Variants in ATP2B2 observed in about 807,000 individuals in gnomAD.
The protein encoded by ATP2B2 is plasma membrane calcium-transporting ATPase 2.
Under a neutral mutation model 120.0 loss-of-function variants are expected in ATP2B2, and 15 were observed. The observed-to-expected ratio is 0.12, with a 90% CI of 0.08 to 0.19. The LOEUF is 0.19. Among genes scored for constraint, ATP2B2 ranks in the 10% least tolerant of loss-of-function variants. ATP2B2 has a pLI of 1.00. For missense variants in ATP2B2, 1,045 were observed against 1,719.8 expected, an observed-to-expected ratio of 0.61 and a Z score of 6.94; for synonymous variants, 694 against 700.3, an observed-to-expected ratio of 0.99 and a Z score of 0.14.
chr3:10,535,783 T>G (rs1399182638), intron 2 of ATP2B2, among the ~76,000 whole-genome samples: 1 of 152,236 alleles, frequency 6.6e-6, no homozygotes, highest in Non-Finnish European at 1.5e-5. Context: ...AAAGGACATC[T>G]GTGTTACTCC....
rs2125211714 is a variant in ATP2B2 at position 10,455,642 on chromosome 3, C to T, written c.-319-5780G>A. ...TGCAATGAGGTTCACTTGCAGTCAG[C>T]TCTCAACACTGCACAGGTGAGCACC... On this transcript the variant is annotated intron_variant, in intron 1 of 22. Coordinates refer to ENST00000360273, the MANE Select transcript of ATP2B2 (RefSeq NM_001001331.4). Among the ~76,000 whole-genome samples the T allele has an allele frequency of 1.3e-5, 2 of 152,362 alleles. 1 individual carries two copies. The highest frequency in any genetic ancestry group is 4.1e-4 in the South Asian group (2 of 4,830).
At chr3:10,630,910 G>A (rs1433463595) in intron 1 of ATP2B2, among the ~76,000 whole-genome samples, 1 of 152,066 alleles carries the variant, frequency 6.6e-6, no homozygotes, top group Non-Finnish European at 1.5e-5. Context: ...CCATGTCTTT[G>A]GTTTCTCGAT....
intron 2 of ATP2B2, among the ~76,000 whole-genome samples, chr3:10,551,757 G>C (rs1031821522): frequency 2.0e-5 from 3 of 152,058 alleles, no homozygotes; most frequent in Non-Finnish European, 4.4e-5. Flanking sequence ...AGCTACCTTG[G>C]TCTGCCAGTA....
chr3:10,684,298 A>G (rs1378705700), intron 1 of ATP2B2, among the ~76,000 whole-genome samples: 3 of 152,242 alleles, frequency 2.0e-5, no homozygotes, highest in African/African-American at 7.2e-5. Flanking sequence ...CATCAGCCCT[A>G]GAACAACTGG....
intron 2 of ATP2B2, among the ~76,000 whole-genome samples, chr3:10,444,799 G>A (rs1035345822): frequency 6.6e-6 from 1 of 152,250 alleles, no homozygotes; most frequent in Non-Finnish European, 1.5e-5. Flanking sequence ...CTCCATGGGT[G>A]ACACAGGGTG....
At chr3:10,463,381 C>T (rs184835002) in intron 1 of ATP2B2, among the ~76,000 whole-genome samples, 2 of 152,158 alleles carry the variant, frequency 1.3e-5, no homozygotes, top group Non-Finnish European at 2.9e-5. Flanking sequence ...GTGACACCTG[C>T]CTTTCAAAGC....
chr3:10,401,964 C>G (rs984179911), intron 4 of ATP2B2, 127 bp downstream of exon 4: 2 of 1,489,376 alleles, frequency 1.3e-6, no homozygotes, highest in Non-Finnish European at 1.8e-6. Flanking sequence ...CAGAAGACAT[C>G]TTGGTTTGGG....
chr3:10,407,704 G>A (rs762031531), intron 3 of ATP2B2, among the ~76,000 whole-genome samples: 2 of 152,222 alleles, frequency 1.3e-5, no homozygotes, highest in Non-Finnish European at 2.9e-5. Flanking sequence ...CCCCTGCGTT[G>A]CTGTAGAGGA....
chr3:10,556,133 G>C (rs1455348619), intron 2 of ATP2B2, among the ~76,000 whole-genome samples: 4 of 152,158 alleles, frequency 2.6e-5, no homozygotes, highest in Non-Finnish European at 5.9e-5. Flanking sequence ...CTCCGGACCT[G>C]AAGTGATCTG....
intron 2 of ATP2B2, among the ~76,000 whole-genome samples, chr3:10,423,317 G>C (rs545554505): frequency 6.6e-6 from 1 of 152,276 alleles, no homozygotes; most frequent in Non-Finnish European, 1.5e-5. Flanking sequence ...CCCATTTGAC[G>C]GTTGGGAAAA....
intron 1 of ATP2B2, among the ~76,000 whole-genome samples, chr3:10,695,571 C>T (rs777622829): frequency 6.6e-6 from 1 of 152,170 alleles, no homozygotes; most frequent in African/African-American, 2.4e-5. Context: ...CTAGGGCAGA[C>T]ACTACATAGA....
chr3:10,476,170 G>A lies in ATP2B2; in HGVS notation c.-319-26308C>T, dbSNP rs76046153. Among the ~76,000 whole-genome samples the A allele has an allele frequency of 7.2e-5, 11 of 152,358 alleles. No homozygotes were observed. In the East Asian group the frequency reaches 1.9e-3, roughly 27 times the overall value. On this transcript the variant is annotated intron_variant, in intron 1 of 22. Coordinates refer to ENST00000360273, the MANE Select transcript of ATP2B2 (RefSeq NM_001001331.4). Reference sequence around the variant, plus strand: ...AAAGATAACCAGCTGGTGAAACTGGGAAGCATTTGCAGGGCCTTGGCATTA... The same window carrying A: ...AAAGATAACCAGCTGGTGAAACTGGAAAGCATTTGCAGGGCCTTGGCATTA...
intron 1 of ATP2B2, among the ~76,000 whole-genome samples, chr3:10,470,880 A>G (rs1244420924): frequency 5.3e-5 from 8 of 152,152 alleles, no homozygotes; most frequent in Admixed American, 2.6e-4. Context: ...AACCTGAGAC[A>G]GGGACATGCA....
intron 1 of ATP2B2, among the ~76,000 whole-genome samples, chr3:10,702,940 G>T (rs971775534): frequency 6.6e-6 from 1 of 152,048 alleles, no homozygotes; most frequent in African/African-American, 2.4e-5. Flanking sequence ...CTGTAATTTA[G>T]GTCTGCTTCC....
chr3:10,628,045 G>A (rs1289648123), intron 1 of ATP2B2, among the ~76,000 whole-genome samples: 1 of 152,162 alleles, frequency 6.6e-6, no homozygotes, highest in Admixed American at 6.5e-5. Flanking sequence ...CAATGCAAAG[G>A]CCTATTGCGG....
intron 6 of ATP2B2, 129 bp from the exon 7 acceptor site, chr3:10,386,641 A>C: frequency 1.9e-6 from 2 of 1,032,422 alleles, no homozygotes; most frequent in Non-Finnish European, 3.0e-6. Flanking sequence ...TCATCCTGAA[A>C]TGGGGACATG....
intron 1 of ATP2B2, among the ~76,000 whole-genome samples, chr3:10,684,697 A>G (rs1293448064): frequency 6.6e-6 from 1 of 152,230 alleles, no homozygotes; most frequent in Non-Finnish European, 1.5e-5. Context: ...AGCATCCAAT[A>G]TGTCCGGATC....
chr3:10,390,376 A>G (rs1026407717), intron 5 of ATP2B2, among the ~76,000 whole-genome samples: 6 of 152,174 alleles, frequency 3.9e-5, no homozygotes, highest in Non-Finnish European at 1.5e-5. Flanking sequence ...AGCTTGCCTT[A>G]AGCAAGGTAT....
At chr3:10,345,313 TA>T in intron 18 of ATP2B2, 70 bp downstream of exon 18, 1 of 1,562,152 alleles carries the variant, frequency 6.4e-7, no homozygotes, top group Non-Finnish European at 8.8e-7. Flanking sequence ...TGGAGTACCC[TA>T]AGGCCCCCGA....
Sources: allele counts gnomAD v4.1 joint callset (sites outside exome capture counted in the v4.1 genomes callset), GRCh38; gene constraint gnomAD v4.1.1; transcripts MANE v1.5; gene names NCBI Gene and HGNC (gene_info 2026-07-23, HGNC 2026-07-21).